Variants in CPVL observed in about 807,000 individuals in gnomAD.
The protein encoded by CPVL is probable serine carboxypeptidase CPVL.
CPVL carries 51 observed loss-of-function variants against 63.7 expected under a neutral mutation model. The observed-to-expected ratio is 0.80, with a 90% CI of 0.64 to 1.01. The LOEUF (loss-of-function observed/expected upper bound fraction) is 1.01. Ranked by LOEUF, CPVL falls within the 50% of genes least tolerant of loss-of-function variation. The probability of loss-of-function intolerance (pLI) is 0.00; values close to 1 mark genes in which losing one functional copy is unlikely to be tolerated. For synonymous variants in CPVL, 195 were observed against 206.0 expected (o/e 0.95, Z 0.46); for missense variants, 530 against 573.1 (o/e 0.92, Z 0.77).
At chr7:29,008,139 A>G (rs2128132069) in intron 12 of CPVL, among the ~76,000 whole-genome samples, 1 of 152,342 alleles carries the variant, frequency 6.6e-6, no homozygotes, top group Admixed American at 6.5e-5. Context: ...TCACAAGGCA[A>G]GAGGAGGGAA....
intron 7 of CPVL, among the ~76,000 whole-genome samples, chr7:29,079,067 C>T (rs993109860): frequency 6.6e-6 from 1 of 152,148 alleles, no homozygotes; most frequent in Admixed American, 6.5e-5. Context: ...TTGAAACTTC[C>T]ACTTACTCTA....
intron 3 of CPVL, among the ~76,000 whole-genome samples, chr7:29,103,251 T>G (rs1370911579): frequency 3.7e-5 from 5 of 136,134 alleles, no homozygotes; most frequent in South Asian, 2.4e-4. Flanking sequence ...TTGTTTTGTT[T>G]TTTTTTTTTT....
Position 29,158,348 on chromosome 7 carries a change from T to C in CPVL, c.-11+22942A>G, listed in dbSNP as rs10259130. Among the ~76,000 whole-genome samples the C allele has an allele frequency of 6.5e-3, 995 of 152,326 alleles. 12 individuals carry two copies. Among genetic ancestry groups the C allele is most frequent in the African/African-American group, 0.023 (948 of 41,554 alleles). Reference sequence around the variant, plus strand: ...AAATAATTGCTACTTTTTATTGCTGTAGAGCAGATTAAATCAGATGATGTG... The same window carrying C: ...AAATAATTGCTACTTTTTATTGCTGCAGAGCAGATTAAATCAGATGATGTG... On this transcript the variant is annotated intron_variant, in intron 5 of 16. Coordinates refer to the CPVL transcript ENST00000409850.
At chr7:29,089,626 C>T (rs1785566439) in intron 6 of CPVL, among the ~76,000 whole-genome samples, 1 of 152,160 alleles carries the variant, frequency 6.6e-6, no homozygotes, top group South Asian at 2.1e-4. Context: ...GGCGTTACCA[C>T]CCCTTTCCAT....
intron 11 of CPVL, among the ~76,000 whole-genome samples, chr7:29,052,790 T>A (rs1790321819): frequency 6.6e-6 from 1 of 152,082 alleles, no homozygotes; most frequent in Non-Finnish European, 1.5e-5. Flanking sequence ...GCACCTGTAA[T>A]CCCAGCTATT....
intron 11 of CPVL, among the ~76,000 whole-genome samples, chr7:29,056,524 T>G (rs1257860465): frequency 1.3e-5 from 2 of 151,944 alleles, no homozygotes; most frequent in East Asian, 1.9e-4. Flanking sequence ...TGATAGCTCG[T>G]TTTTTTTAGC....
At chr7:29,072,155 T>C (rs1783810473) in intron 8 of CPVL, 146 bp downstream of exon 8, 5 of 960,438 alleles carry the variant, frequency 5.2e-6, no homozygotes, top group Non-Finnish European at 7.7e-6. Flanking sequence ...GTTGAAACAT[T>C]TGGTAAAAAT....
intron 7 of CPVL, among the ~76,000 whole-genome samples, chr7:29,083,898 T>C (rs1784969213): frequency 6.6e-6 from 1 of 152,078 alleles, no homozygotes; most frequent in African/African-American, 2.4e-5. Flanking sequence ...CCTGGGGCTA[T>C]TAGTCTTTAC....
At chr7:29,053,562 GT>G (rs1475863448) in intron 11 of CPVL, among the ~76,000 whole-genome samples, 2 of 152,214 alleles carry the variant, frequency 1.3e-5, no homozygotes, top group African/African-American at 4.8e-5. Context: ...TAGATTAGTG[GT>G]TGCCAGGGGC....
At chr7:29,139,214 C>T (rs1338241424) in intron 1 of CPVL, among the ~76,000 whole-genome samples, 1 of 152,192 alleles carries the variant, frequency 6.6e-6, no homozygotes, top group Non-Finnish European at 1.5e-5. Flanking sequence ...AAAGTTCCAG[C>T]CTTCACTTTG....
chr7:29,128,714 CAAAA>C (rs60764606), intron 1 of CPVL, among the ~76,000 whole-genome samples: 2 of 133,390 alleles, frequency 1.5e-5, no homozygotes, highest in Non-Finnish European at 3.1e-5. Context: ...GACTCTGTCT[CAAAA>C]AAAAAAAAAA....
At chr7:29,006,537 T>C (rs916282161) in intron 12 of CPVL, among the ~76,000 whole-genome samples, 2 of 152,180 alleles carry the variant, frequency 1.3e-5, no homozygotes, top group East Asian at 3.9e-4. Flanking sequence ...TTCAAGACCA[T>C]GCTACAACAT....
At chr7:29,019,115 G>A (rs1294985679) in intron 12 of CPVL, among the ~76,000 whole-genome samples, 1 of 152,048 alleles carries the variant, frequency 6.6e-6, no homozygotes, top group Non-Finnish European at 1.5e-5. Context: ...TTTGCTGAAA[G>A]ACACTACACT....
At chr7:29,087,085 G>A (rs750136077) in intron 6 of CPVL, among the ~76,000 whole-genome samples, 1 of 152,024 alleles carries the variant, frequency 6.6e-6, no homozygotes, top group Non-Finnish European at 1.5e-5. Context: ...TGAAATAAAT[G>A]TACAGTAGGC....
At chr7:29,109,031 G>A (rs1315490507) in intron 3 of CPVL, among the ~76,000 whole-genome samples, 1 of 152,204 alleles carries the variant, frequency 6.6e-6, no homozygotes, top group Non-Finnish European at 1.5e-5. Context: ...TCTATAAAAT[G>A]AGGATAACAA....
chr7:29,089,709 C>T (rs1040646009), intron 6 of CPVL, among the ~76,000 whole-genome samples: 2 of 152,188 alleles, frequency 1.3e-5, no homozygotes, highest in Non-Finnish European at 2.9e-5. Context: ...CCTTAATCTG[C>T]ATGTAATTAA....
chr7:29,164,284 A>G (rs1407926476), intron 5 of CPVL, among the ~76,000 whole-genome samples: 1 of 152,100 alleles, frequency 6.6e-6, no homozygotes, highest in African/African-American at 2.4e-5. Flanking sequence ...TCCTGTTTGT[A>G]CAGTTTCTTT....
intron 5 of CPVL, among the ~76,000 whole-genome samples, chr7:29,166,626 C>G (rs1795951582): frequency 6.6e-6 from 1 of 152,060 alleles, no homozygotes; most frequent in Non-Finnish European, 1.5e-5. Context: ...TCCATTTTAT[C>G]TAAGTTGTCA....
intron 5 of CPVL, among the ~76,000 whole-genome samples, chr7:29,093,397 A>AC (rs969482239): frequency 1.5e-5 from 2 of 136,194 alleles, no homozygotes; most frequent in Admixed American, 6.9e-5. Context: ...AAAAAAAAAA[A>AC]AGAAAGAAAC....
Sources: gnomAD v4.1 joint callset for allele counts (sites outside exome capture counted in the v4.1 genomes callset) on GRCh38, gnomAD v4.1.1 for gene constraint, MANE v1.5 for transcripts, NCBI Gene and HGNC (gene_info 2026-07-23, HGNC 2026-07-21) for gene names.